Variants in CNTN3 observed in about 807,000 individuals in gnomAD.
CNTN3 encodes the protein contactin-3.
In CNTN3, 60 loss-of-function variants were observed where a neutral mutation model predicts 119.1. That is an observed-to-expected ratio of 0.50 (90% CI 0.41 to 0.62). The LOEUF (loss-of-function observed/expected upper bound fraction) is 0.62, where lower values mean the gene tolerates loss of function less well. CNTN3 is among the 20% of genes least tolerant of loss of function. The pLI, the probability that CNTN3 is intolerant of heterozygous loss-of-function variation, is 0.00. For synonymous variants in CNTN3, 450 were observed against 438.7 expected (o/e 1.03, Z -0.32); for missense variants, 1,101 against 1,242.4 (o/e 0.89, Z 1.71).
Position 74,301,803 on chromosome 3 carries a change from A to G in CNTN3, c.1789T>C (p.Ser597Pro). The change falls in exon 15 of 23, where the codon TCA becomes CCA. Residue 597 changes from serine to proline, a missense_variant and splice_region_variant. Coordinates refer to ENST00000263665, the MANE Select transcript of CNTN3 (RefSeq NM_020872.3). ...SSAADLIVRG[S>P]PGPPENVKVD... ...TTCACATTTTCTGGTGGTCCAGGTG[A>G]ACCTAAGGAAGGCACAAATGGAAAC... 1 of 1,613,740 alleles carries G rather than the reference A, an allele frequency of 6.2e-7. No homozygotes were observed. The highest frequency in any genetic ancestry group is 1.3e-5 in the African/African-American group (1 of 75,038).
intron 5 of CNTN3, among the ~76,000 whole-genome samples, chr3:74,402,913 G>A (rs1484990124): frequency 6.6e-6 from 1 of 152,138 alleles, no homozygotes; most frequent in Admixed American, 6.5e-5. Context: ...TAATGCAAGG[G>A]CCCTAACACT....
intron 1 of CNTN3, among the ~76,000 whole-genome samples, chr3:74,533,468 C>A (rs1008684207): frequency 9.9e-5 from 15 of 151,978 alleles, no homozygotes; most frequent in African/African-American, 3.4e-4. Context: ...ATAATAATGG[C>A]AAACACTCAG....
intron 11 of CNTN3, among the ~76,000 whole-genome samples, chr3:74,348,196 CA>C (rs1703736176): frequency 6.6e-6 from 1 of 152,168 alleles, no homozygotes; most frequent in African/African-American, 2.4e-5. Flanking sequence ...AACACACACA[CA>C]CACACAAAAT....
At chr3:74,439,378 A>C (rs1350605225) in intron 4 of CNTN3, among the ~76,000 whole-genome samples, 1 of 148,184 alleles carries the variant, frequency 6.7e-6, no homozygotes, top group Non-Finnish European at 1.5e-5. Flanking sequence ...GTGGTGGCAC[A>C]TGCCTGTAAT....
chr3:74,350,278 G>A (rs934618509), intron 11 of CNTN3, among the ~76,000 whole-genome samples: 15 of 152,008 alleles, frequency 9.9e-5, no homozygotes, highest in African/African-American at 3.6e-4. Flanking sequence ...AAACAGTTAA[G>A]TAATAATAAA....
At chr3:74,570,316 A>G (rs1431637556) in intron 1 of CNTN3, among the ~76,000 whole-genome samples, 2 of 152,128 alleles carry the variant, frequency 1.3e-5, no homozygotes, top group African/African-American at 4.8e-5. Context: ...GTTAGGAAAC[A>G]GTACACAAAA....
At chr3:74,513,005 T>C (rs1016100164) in intron 2 of CNTN3, among the ~76,000 whole-genome samples, 13 of 152,264 alleles carry the variant, frequency 8.5e-5, no homozygotes, top group Admixed American at 5.2e-4. Context: ...CAAGGTATTT[T>C]AATATCCACT....
At chr3:74,337,176 C>A (rs1210673601) in intron 11 of CNTN3, among the ~76,000 whole-genome samples, 1 of 152,056 alleles carries the variant, frequency 6.6e-6, no homozygotes, top group Non-Finnish European at 1.5e-5. Context: ...TTTGGGTGGT[C>A]CCCTGTGAGC....
At chr3:74,352,082 GT>G (rs1434621810) in intron 11 of CNTN3, among the ~76,000 whole-genome samples, 2 of 152,086 alleles carry the variant, frequency 1.3e-5, no homozygotes, top group Non-Finnish European at 2.9e-5. Flanking sequence ...AAGACAAATG[GT>G]TTTCTATCTG....
In CNTN3 at chr3:74,424,813, A is replaced by C. The variant is rs367884970; in HGVS notation, c.454+32T>G. On this transcript the variant is annotated intron_variant, in intron 5 of 22. Coordinates refer to ENST00000263665, the MANE Select transcript of CNTN3 (RefSeq NM_020872.3). ...GCAGGCCTTGCCCTGAACCTTAATA[A>C]ATATGAAAAGCAGAAACAGAGCATG... The C allele has an allele frequency of 4.7e-5, 74 of 1,583,160 alleles. No homozygotes were observed. In the African/African-American group the frequency reaches 8.7e-4, roughly 19 times the overall value.
chr3:74,426,761 G>A (rs571299476), intron 4 of CNTN3, among the ~76,000 whole-genome samples: 1 of 152,258 alleles, frequency 6.6e-6, no homozygotes, highest in South Asian at 2.1e-4. Context: ...AAGTCTCTTG[G>A]AATGTAACTA....
At chr3:74,432,748 T>A (rs1245179535) in intron 4 of CNTN3, among the ~76,000 whole-genome samples, 1 of 152,206 alleles carries the variant, frequency 6.6e-6, no homozygotes, top group African/African-American at 2.4e-5. Context: ...TCAATCATTA[T>A]TTTCGTTATT....
At position 74,357,170 on chromosome 3, in the gene CNTN3, C is replaced by T. The variant is rs546025568; in HGVS notation, c.1364+4720G>A. 8.3e-4 allele frequency among the ~76,000 whole-genome samples: 126 copies of T among 152,214 alleles called. 2 individuals are homozygous for T. Among genetic ancestry groups the T allele is most frequent in the African/African-American group, 2.3e-3 (96 of 41,508 alleles). The stretch of plus-strand genomic sequence containing the variant: ...CTCGATCTCCTGACCTCGTGATCCG[C>T]CTGCCTCGGCCTTCCAAAGTGCTGG... On this transcript the variant is annotated intron_variant, in intron 11 of 22. Coordinates refer to ENST00000263665, the MANE Select transcript of CNTN3 (RefSeq NM_020872.3).
intron 1 of CNTN3, among the ~76,000 whole-genome samples, chr3:74,562,533 A>C (rs565058517): frequency 1.3e-5 from 2 of 152,310 alleles, no homozygotes; most frequent in African/African-American, 4.8e-5. Flanking sequence ...TATCCAGGTA[A>C]TAAACTCAAA....
intron 19 of CNTN3, among the ~76,000 whole-genome samples, chr3:74,288,410 C>T (rs546661774): frequency 2.2e-4 from 33 of 152,104 alleles, no homozygotes; most frequent in African/African-American, 8.0e-4. Flanking sequence ...CCACCCTCCT[C>T]GGCCTCCCAA....
chr3:74,596,320 G>T (rs1199206101), intron 1 of CNTN3, among the ~76,000 whole-genome samples: 7 of 152,010 alleles, frequency 4.6e-5, no homozygotes, highest in Non-Finnish European at 8.8e-5. Context: ...TTTCTTCACA[G>T]AACTGGAAAA....
At chr3:74,283,075 T>A (rs984954094) in intron 20 of CNTN3, among the ~76,000 whole-genome samples, 1 of 152,122 alleles carries the variant, frequency 6.6e-6, no homozygotes, top group East Asian at 1.9e-4. Context: ...CCTGTGATCA[T>A]CTTACCCAGT....
At chr3:74,570,094 G>C (rs973139134) in intron 1 of CNTN3, among the ~76,000 whole-genome samples, 1 of 152,042 alleles carries the variant, frequency 6.6e-6, no homozygotes, top group African/African-American at 2.4e-5. Flanking sequence ...GTCCAACAAG[G>C]GTGGGCTTGC....
intron 1 of CNTN3, among the ~76,000 whole-genome samples, chr3:74,545,539 A>C (rs944054167): frequency 2.6e-5 from 4 of 152,182 alleles, no homozygotes; most frequent in Non-Finnish European, 5.9e-5. Flanking sequence ...TATTTTATTT[A>C]TATAATCCCA....
Sources: gnomAD v4.1 joint callset for allele counts (sites outside exome capture counted in the v4.1 genomes callset) on GRCh38, gnomAD v4.1.1 for gene constraint, MANE v1.5 for transcripts, NCBI Gene and HGNC (gene_info 2026-07-23, HGNC 2026-07-21) for gene names.